The following LRRC3C variants were observed in gnomAD, a reference collection of about 807,000 sequenced individuals.
LRRC3C encodes leucine-rich repeat-containing protein 3C.
Under a neutral mutation model 14.8 loss-of-function variants are expected in LRRC3C, and 11 were observed. That is an observed-to-expected ratio of 0.74 (90% CI 0.47 to 1.23). The LOEUF (loss-of-function observed/expected upper bound fraction) is 1.23, where lower values mean the gene tolerates loss of function less well. Ranked by LOEUF, LRRC3C falls within the 50% of genes most tolerant of loss-of-function variation. The probability of loss-of-function intolerance (pLI) is 0.00; values close to 1 mark genes in which losing one functional copy is unlikely to be tolerated. For missense variants in LRRC3C, 354 were observed against 361.8 expected (o/e 0.98, Z 0.18); for synonymous variants, 149 against 161.5 (o/e 0.92, Z 0.59).
rs1367389093 is a variant in LRRC3C at position 39,944,246 on chromosome 17, G to A, written c.340G>A (p.Ala114Thr). 1 of 1,535,150 alleles carries A rather than the reference G, an allele frequency of 6.5e-7. No individual in the cohort carries two copies. Among genetic ancestry groups the A allele is most frequent in the Admixed American group, 2.0e-5 (1 of 50,830 alleles). ...GGAGGAGTTGGATCTGTCCCATAAT[G>A]CCCTTGCCCACCTCTCAGGGGCGGC... ...VLEELDLSHN[A>T]LAHLSGAAFQ... Residue 114 changes from alanine to threonine, a missense_variant, in exon 4 of 4, where the codon GCC (alanine) becomes ACC (threonine). Ala to Thr is a moderately conservative substitution (Grantham distance 58, BLOSUM62 0). Transcript: ENST00000377924.
rs575924988 is a variant in LRRC3C at position 39,943,121 on chromosome 17, C to T, written c.27-812C>T. Among the ~76,000 whole-genome samples, 9 of 152,268 alleles carry T rather than the reference C, an allele frequency of 5.9e-5. No individual in the cohort carries two copies. The East Asian group carries it at 1.4e-3, about 23-fold the overall frequency. On this transcript the variant is annotated intron_variant, in intron 3 of 3. Coordinates refer to ENST00000377924, the MANE Select transcript of LRRC3C (RefSeq NM_001195545.2). ...CTGGCCACACCATGGCTCAGGTATCCGACACCTGGGCCCAGAGTCACATGC... is the reference window on the plus strand; with the variant it reads ...CTGGCCACACCATGGCTCAGGTATCTGACACCTGGGCCCAGAGTCACATGC...
At chr17:39,940,954 G>A (rs1452968741) in intron 2 of LRRC3C, among the ~76,000 whole-genome samples, 1 of 151,966 alleles carries the variant, frequency 6.6e-6, no homozygotes, top group African/African-American at 2.4e-5. Flanking sequence ...ACATTGGCCA[G>A]GCTGGTCTCA....
At chr17:39,935,916 T>A in intron 2 of LRRC3C, 22 bp downstream of exon 2, 1 of 968,328 alleles carries the variant, frequency 1.0e-6, no homozygotes, top group Non-Finnish European at 1.2e-6. Flanking sequence ...TTATCTATCT[T>A]CTCTATCTAT....
chr17:39,938,137 GA>G (rs201516952), intron 2 of LRRC3C, among the ~76,000 whole-genome samples: 2 of 151,218 alleles, frequency 1.3e-5, no homozygotes, highest in Admixed American at 6.6e-5. Context: ...GTCTCAACAA[GA>G]AAAAAAAATC....
At position 39,944,182 on chromosome 17, in the gene LRRC3C, A is replaced by G. The variant is rs1979016263; in HGVS notation, c.276A>G (p.Ala92=). 2 of 1,535,992 alleles carry G rather than the reference A, an allele frequency of 1.3e-6. No individual in the cohort carries two copies. Among genetic ancestry groups the G allele is most frequent in the Admixed American group, 3.9e-5 (2 of 50,976 alleles). Residue 92 remains alanine (A), a synonymous_variant, in exon 4 of 4, where the codon GCA becomes GCG. Transcript: ENST00000377924. ...RKLYLDANQL[A]SVPAGAFQHL... is the part of the protein sequence containing the mutation. ...TCTACCTGGATGCCAACCAGCTGGCATCGGTGCCTGCTGGTGCCTTCCAGC... is the reference window on the plus strand; with the variant it reads ...TCTACCTGGATGCCAACCAGCTGGCGTCGGTGCCTGCTGGTGCCTTCCAGC...
At chr17:39,936,210 C>A (rs924731232) in intron 2 of LRRC3C, among the ~76,000 whole-genome samples, 1 of 152,194 alleles carries the variant, frequency 6.6e-6, no homozygotes, top group African/African-American at 2.4e-5. Flanking sequence ...ATTCTAGACA[C>A]GTGGAGCATC....
Position 39,944,457 on chromosome 17 carries a change from G to C in LRRC3C, c.551G>C (p.Gly184Ala). 1 of 1,487,900 alleles carries C rather than the reference G, an allele frequency of 6.7e-7. No individual in the cohort carries two copies. The highest frequency in any genetic ancestry group is 8.9e-7 in the Non-Finnish European group (1 of 1,121,054). 92.2% of individuals were successfully genotyped at this position (1,487,900 alleles called of 1,614,324 possible). A position where few individuals can be genotyped will look rare whatever the true frequency, so the allele number is the denominator to read the frequency against. The stretch of plus-strand genomic sequence containing the variant: ...AGGCTGGTGCCGGGCACTGGGACAG[G>C]CATCGTGTGTGGCTCAGGAGCCCGA... Reference protein sequence around the residue: ...QVRLVPGTGTGIVCGSGARPD... With the variant: ...QVRLVPGTGTAIVCGSGARPD... Residue 184 changes from glycine to alanine, a missense_variant, in exon 4 of 4, where the codon GGC becomes GCC. Physicochemically the swap from Gly to Ala is moderately conservative, Grantham distance 60. Transcript: ENST00000377924.
intron 2 of LRRC3C, among the ~76,000 whole-genome samples, chr17:39,941,131 C>T (rs1443157554): frequency 6.6e-6 from 1 of 151,762 alleles, no homozygotes; most frequent in Non-Finnish European, 1.5e-5. Flanking sequence ...GGGTGGATCA[C>T]TAGAGGTCGG....
At chr17:39,929,254 A>G (rs1277615648) in intron 1 of LRRC3C, 2 of 152,176 alleles carry the variant, frequency 1.3e-5, no homozygotes, top group East Asian at 1.9e-4. Flanking sequence ...TGACATCTCT[A>G]TGAAGTTCAG....
rs1009419150 is a variant in LRRC3C at position 39,944,677 on chromosome 17, G to C, written c.771G>C (p.Arg257=). 5 of 1,535,936 alleles carry C rather than the reference G, an allele frequency of 3.3e-6. No individual in the cohort carries two copies. The highest frequency in any genetic ancestry group is 1.4e-5 in the African/African-American group (1 of 73,064). The change falls in exon 4 of 4, where the codon CGG becomes CGC. Residue 257 remains arginine, a synonymous_variant. Transcript: ENST00000377924. Reference sequence around the variant, plus strand: ...ATGAGACCAGGCGCTCCCTCAAGCGGGCCCCAGTGCTGCCCGTGCGTTCCG... The same window carrying C: ...ATGAGACCAGGCGCTCCCTCAAGCGCGCCCCAGTGCTGCCCGTGCGTTCCG... ...NRDETRRSLK[R]APVLPVRSED... is the part of the protein sequence containing the mutation.
Position 39,941,652 on chromosome 17 carries a change from C to T in LRRC3C, c.26+103C>T, listed in dbSNP as rs1225167541. ...TTCCAGGTTCCGTACAATACAATAC[C>T]GTGGGTACCATCAGGCTCAACGTGC... On this transcript the variant is annotated intron_variant, in intron 3 of 3. Coordinates refer to ENST00000377924, the MANE Select transcript of LRRC3C (RefSeq NM_001195545.2). 5 of 1,026,178 alleles carry T rather than the reference C, an allele frequency of 4.9e-6. No individual in the cohort carries two copies. The Admixed American group carries it at 6.4e-5, about 13-fold the overall frequency. The allele number at this position is 1,026,178 out of a possible 1,614,324, so 63.6% of individuals were successfully genotyped here.
At position 39,944,717 on chromosome 17, in the gene LRRC3C, C is replaced by CT. The variant is rs1444843557; in HGVS notation, c.812dup (p.Ser272GlnfsTer27). 4.6e-6 allele frequency: 7 copies of CT among 1,536,020 alleles called. No homozygotes were observed. The South Asian group carries it at 7.1e-5, about 16-fold the overall frequency. On this transcript the variant is annotated frameshift_variant, in exon 4 of 4. Transcript: ENST00000377924. LOFTEE classifies it high-confidence loss of function. ...CGTGCGTTCCGAGGACTCCTCCATCCTCAGCACAGTGGTCTGATGACCCAG... is the reference window on the plus strand; with the variant it reads ...CGTGCGTTCCGAGGACTCCTCCATCCTTCAGCACAGTGGTCTGATGACCCAG...
At chr17:39,930,378 A>C (rs1289168210) in intron 1 of LRRC3C, among the ~76,000 whole-genome samples, 6 of 128,500 alleles carry the variant, frequency 4.7e-5, no homozygotes, top group Non-Finnish European at 8.0e-5. Context: ...TTGGATCCTG[A>C]TTCAAGCAAA....
chr17:39,933,941 GC>G (rs1301617829), intron 1 of LRRC3C, among the ~76,000 whole-genome samples: 5 of 152,240 alleles, frequency 3.3e-5, no homozygotes, highest in African/African-American at 1.2e-4. Flanking sequence ...GATACCCCAG[GC>G]ATGTGGTGGG....
rs553481939 is a variant in LRRC3C at position 39,931,925 on chromosome 17, A to G, written c.-174-3877A>G. Among the ~76,000 whole-genome samples, 10 of 152,284 alleles carry G rather than the reference A, an allele frequency of 6.6e-5. No homozygotes were observed. In the South Asian group the frequency reaches 1.9e-3, roughly 28 times the overall value. On this transcript the variant is annotated intron_variant, in intron 1 of 3. Coordinates refer to ENST00000377924, the MANE Select transcript of LRRC3C (RefSeq NM_001195545.2). ...CTTGGCCTCCCAAAGTGCTGGGATTACAGGCATGAGCCACCACGCCTGGGC... is the reference window on the plus strand; with the variant it reads ...CTTGGCCTCCCAAAGTGCTGGGATTGCAGGCATGAGCCACCACGCCTGGGC...
At chr17:39,942,470 A>G (rs1200027951) in intron 3 of LRRC3C, among the ~76,000 whole-genome samples, 1 of 152,202 alleles carries the variant, frequency 6.6e-6, no homozygotes, top group Non-Finnish European at 1.5e-5. Flanking sequence ...CTGAGAGTCC[A>G]GGGCTCTAGC....
intron 1 of LRRC3C, chr17:39,934,771 T>G (rs928899801): frequency 3.3e-5 from 5 of 152,234 alleles, no homozygotes; most frequent in Admixed American, 6.5e-5. Flanking sequence ...AGTAAAGGAA[T>G]AAAATAATGG....
At chr17:39,936,456 T>C (rs969092580) in intron 2 of LRRC3C, among the ~76,000 whole-genome samples, 1 of 151,996 alleles carries the variant, frequency 6.6e-6, no homozygotes, top group African/African-American at 2.4e-5. Context: ...CTGCCACCAA[T>C]ACATCCCCGA....
intron 3 of LRRC3C, among the ~76,000 whole-genome samples, chr17:39,941,854 A>C (rs760704410): frequency 6.6e-6 from 1 of 152,116 alleles, no homozygotes; most frequent in Non-Finnish European, 1.5e-5. Flanking sequence ...CAAACTAAGG[A>C]GGGATCAACT....
Sources: allele counts gnomAD v4.1 joint callset (sites outside exome capture counted in the v4.1 genomes callset), GRCh38; gene constraint gnomAD v4.1.1; transcripts MANE v1.5; gene names NCBI Gene and HGNC (gene_info 2026-07-23, HGNC 2026-07-21).